NEK10: variants seen among roughly 807,000 people sequenced by gnomAD.
NEK10 encodes NIMA related kinase 10.
Under a neutral mutation model 159.8 loss-of-function variants are expected in NEK10, and 122 were observed. That is an observed-to-expected ratio of 0.76 (90% CI 0.66 to 0.89). NEK10 has a LOEUF of 0.89. NEK10 is among the 40% of genes least tolerant of loss of function. NEK10 has a pLI of 0.00. For missense variants in NEK10, 1,342 were observed against 1,323.1 expected, an observed-to-expected ratio of 1.01 and a Z score of -0.22; for synonymous variants, 466 against 457.1, an observed-to-expected ratio of 1.02 and a Z score of -0.25.
At chr3:27,355,477 G>C (rs1450558415) in intron 1 of NEK10, among the ~76,000 whole-genome samples, 1 of 151,836 alleles carries the variant, frequency 6.6e-6, no homozygotes, top group Non-Finnish European at 1.5e-5. Flanking sequence ...CTTGGTAACT[G>C]GTACCACAAT....
At chr3:27,112,340 T>C (rs1205511350) in intron 35 of NEK10, among the ~76,000 whole-genome samples, 2 of 152,224 alleles carry the variant, frequency 1.3e-5, no homozygotes, top group Non-Finnish European at 2.9e-5. Context: ...AATTAATCCT[T>C]TAGTGACTGG....
At chr3:27,158,241 T>C (rs1316650601) in intron 30 of NEK10, among the ~76,000 whole-genome samples, 2 of 152,174 alleles carry the variant, frequency 1.3e-5, no homozygotes, top group Non-Finnish European at 2.9e-5. Context: ...TATGCCAAAT[T>C]ATATAGTATA....
chr3:27,252,886 A>C (rs1268164799), intron 23 of NEK10: 1 of 514,258 alleles, frequency 1.9e-6, no homozygotes, highest in Admixed American at 2.0e-5. Context: ...TTGTGGCCAT[A>C]CTGAGGGCTT....
chr3:27,244,075 C>T (rs988770368), intron 23 of NEK10, among the ~76,000 whole-genome samples: 1 of 152,186 alleles, frequency 6.6e-6, no homozygotes, highest in South Asian at 2.1e-4. Context: ...CTGAGAGATA[C>T]CCTGTGGCTT....
At chr3:27,293,127 C>A (rs1390036044) in intron 16 of NEK10, among the ~76,000 whole-genome samples, 1 of 152,080 alleles carries the variant, frequency 6.6e-6, no homozygotes, top group Non-Finnish European at 1.5e-5. Flanking sequence ...ATCCAGCCTC[C>A]CCTTCAAATG....
chr3:27,307,003 T>C (rs2044296462), intron 11 of NEK10, among the ~76,000 whole-genome samples: 1 of 152,194 alleles, frequency 6.6e-6, no homozygotes, highest in South Asian at 2.1e-4. Context: ...AATTGGGAAG[T>C]CTCTGCTCCA....
chr3:27,134,579 C>T (rs187257177), intron 31 of NEK10, among the ~76,000 whole-genome samples: 26 of 152,240 alleles, frequency 1.7e-4, no homozygotes, highest in Middle Eastern at 3.4e-3. Flanking sequence ...AGAATTCTTG[C>T]GATTTATTTA....
At chr3:27,276,412 G>T (rs2041777057) in intron 22 of NEK10, among the ~76,000 whole-genome samples, 1 of 152,102 alleles carries the variant, frequency 6.6e-6, no homozygotes, top group Non-Finnish European at 1.5e-5. Flanking sequence ...ATTCCAGGCA[G>T]AGGGATGGCA....
At chr3:27,318,991 A>C (rs1412389614) in intron 6 of NEK10, among the ~76,000 whole-genome samples, 1 of 152,212 alleles carries the variant, frequency 6.6e-6, no homozygotes, top group Non-Finnish European at 1.5e-5. Context: ...AATACCCAAA[A>C]AATGCTGAAT....
chr3:27,204,818 T>C (rs1309047551), intron 23 of NEK10, among the ~76,000 whole-genome samples: 4 of 143,032 alleles, frequency 2.8e-5, no homozygotes, highest in Non-Finnish European at 6.2e-5. Flanking sequence ...CATTTGGGTA[T>C]ATACCCAGTA....
intron 31 of NEK10, among the ~76,000 whole-genome samples, chr3:27,136,366 C>A (rs931213713): frequency 5.3e-5 from 8 of 152,070 alleles, no homozygotes; most frequent in Non-Finnish European, 5.9e-5. Context: ...CCTGTCTCAG[C>A]CTCTCAAAGT....
intron 25 of NEK10, among the ~76,000 whole-genome samples, chr3:27,196,080 AGCCCAGCACT>A (rs1360895802): frequency 2.6e-5 from 4 of 152,200 alleles, no homozygotes; most frequent in Non-Finnish European, 4.4e-5. Context: ...ACAGGCAAAT[AGCCCAGCACT>A]GTGCCCTGGA....
intron 1 of NEK10, among the ~76,000 whole-genome samples, chr3:27,365,346 A>G (rs2048979318): frequency 6.6e-6 from 1 of 152,002 alleles, no homozygotes; most frequent in African/African-American, 2.4e-5. Flanking sequence ...TCATTTTGTC[A>G]CTTTGATTCT....
At chr3:27,266,878 C>T (rs1339392013) in intron 22 of NEK10, among the ~76,000 whole-genome samples, 2 of 152,184 alleles carry the variant, frequency 1.3e-5, no homozygotes, top group African/African-American at 4.8e-5. Flanking sequence ...TAGTGGTGCT[C>T]ACTTCCCCTA....
chr3:27,280,912 G>GGTGT (rs148929788), intron 22 of NEK10, among the ~76,000 whole-genome samples: 3,134 of 137,670 alleles, frequency 0.023, 50 homozygotes, highest in African/African-American at 0.035. Context: ...ATGTACATAT[G>GGTGT]GTGTGTGTGT....
At chr3:27,140,787 A>C (rs1249272905) in intron 31 of NEK10, among the ~76,000 whole-genome samples, 1 of 152,204 alleles carries the variant, frequency 6.6e-6, no homozygotes, top group Non-Finnish European at 1.5e-5. Flanking sequence ...CATAGTAGGC[A>C]CCTAATAATT....
In NEK10 at chr3:27,196,790, T is replaced by C. The variant is rs117808166; in HGVS notation, c.2292-4548A>G. On this transcript the variant is annotated intron_variant, in intron 25 of 35. Transcript: ENST00000691995. ...AAAGGAGAAATTAAATGAGCAAATATGGTACTTTTGTCTTGACACCTCTGA... is the reference window on the plus strand; with the variant it reads ...AAAGGAGAAATTAAATGAGCAAATACGGTACTTTTGTCTTGACACCTCTGA... Among the ~76,000 whole-genome samples, 16 of 152,348 alleles carry C rather than the reference T, an allele frequency of 1.1e-4. No homozygotes were observed. The East Asian group carries it at 3.1e-3, about 29-fold the overall frequency.
rs140290083 is a variant in NEK10 at position 27,346,263 on chromosome 3, G to C, written c.133-47C>G. On this transcript the variant is annotated intron_variant, in intron 3 of 35. Transcript: ENST00000691995. ...GTACATGAGGATCACAATTCAGCAC[G>C]GGATAAAGAAAGTAACAAAATATGG... 23 of 1,599,704 alleles carry C rather than the reference G, an allele frequency of 1.4e-5. No homozygotes were observed. The African/African-American group carries it at 2.3e-4, about 16-fold the overall frequency.
At chr3:27,323,265 G>C (rs1280069531) in intron 5 of NEK10, among the ~76,000 whole-genome samples, 1 of 152,176 alleles carries the variant, frequency 6.6e-6, no homozygotes, top group East Asian at 1.9e-4. Context: ...ACTGAGGCAA[G>C]GGCACTGGGC....
Sources: allele counts gnomAD v4.1 joint callset (sites outside exome capture counted in the v4.1 genomes callset), GRCh38; gene constraint gnomAD v4.1.1; transcripts MANE v1.5; gene names NCBI Gene and HGNC (gene_info 2026-07-23, HGNC 2026-07-21).